The following DLG2 variants were observed in gnomAD, a reference collection of about 807,000 sequenced individuals.
The protein encoded by DLG2 is discs large MAGUK scaffold protein 2.
In DLG2, 45 loss-of-function variants were observed where a neutral mutation model predicts 132.5. The ratio of observed to expected loss-of-function variants is 0.34; its 90% CI spans 0.27 to 0.44. DLG2 has a LOEUF of 0.44. Among genes scored for constraint, DLG2 ranks in the 20% least tolerant of loss-of-function variants. The probability of loss-of-function intolerance (pLI) is 1.00; values close to 1 mark genes in which losing one functional copy is unlikely to be tolerated. For synonymous variants in DLG2, 424 were observed against 419.6 expected, an observed-to-expected ratio of 1.01 and a Z score of -0.13; for missense variants, 1,045 against 1,196.9, an observed-to-expected ratio of 0.87 and a Z score of 1.87.
chr11:85,201,500 G>C (rs533645327), intron 4 of DLG2, among the ~76,000 whole-genome samples: 5 of 152,186 alleles, frequency 3.3e-5, no homozygotes, highest in African/African-American at 1.2e-4. Flanking sequence ...AGAAAGCTGT[G>C]AATCTCAAAG....
At chr11:83,939,049 G>A (rs1173024633) in intron 14 of DLG2, among the ~76,000 whole-genome samples, 1 of 152,096 alleles carries the variant, frequency 6.6e-6, no homozygotes, top group Non-Finnish European at 1.5e-5. Context: ...ATGGATCATC[G>A]GGCCTCCTTT....
chr11:85,389,334 C>T (rs2086608448), intron 3 of DLG2, among the ~76,000 whole-genome samples: 1 of 152,068 alleles, frequency 6.6e-6, no homozygotes, highest in African/African-American at 2.4e-5. Flanking sequence ...TAAAAATGAA[C>T]AAAGCCTCCA....
chr11:83,790,413 T>C, intron 17 of DLG2: 1 of 1,030,740 alleles, frequency 9.7e-7, no homozygotes. Context: ...CAACATGTGA[T>C]TGGTCCCCAG....
In DLG2 at chr11:84,060,415, T is replaced by C. The variant is rs542323632; in HGVS notation, c.750-931A>G. Among the ~76,000 whole-genome samples the C allele has an allele frequency of 1.8e-3, 280 of 152,298 alleles. 1 individual carries two copies. Among genetic ancestry groups the C allele is most frequent in the African/African-American group, 6.6e-3 (275 of 41,566 alleles). On this transcript the variant is annotated intron_variant, in intron 10 of 27. Coordinates refer to ENST00000376104, the MANE Select transcript of DLG2 (RefSeq NM_001142699.3). ...CCCTCCTCTCCACCTCGATTCATCTTACAATATTATAAATACTGAAGTTCA... is the reference window on the plus strand; with the variant it reads ...CCCTCCTCTCCACCTCGATTCATCTCACAATATTATAAATACTGAAGTTCA...
intron 11 of DLG2, among the ~76,000 whole-genome samples, chr11:84,048,403 G>T (rs1363058434): frequency 6.6e-6 from 1 of 151,582 alleles, no homozygotes; most frequent in Non-Finnish European, 1.5e-5. Context: ...AAAGGAAAAT[G>T]TAGTGTTTTG....
At chr11:85,164,071 G>A (rs2152479662) in intron 4 of DLG2, among the ~76,000 whole-genome samples, 1 of 152,246 alleles carries the variant, frequency 6.6e-6, no homozygotes, top group Middle Eastern at 3.4e-3. Flanking sequence ...TTATAGAAAG[G>A]TGAGGGGAAG....
intron 9 of DLG2, among the ~76,000 whole-genome samples, chr11:84,158,151 C>T (rs796102946): frequency 5.9e-5 from 9 of 151,902 alleles, no homozygotes; most frequent in African/African-American, 2.2e-4. Flanking sequence ...GCAAGCTCTG[C>T]CTCCCAGGTT....
intron 21 of DLG2, among the ~76,000 whole-genome samples, chr11:83,505,860 A>T (rs1032492656): frequency 6.6e-6 from 1 of 152,150 alleles, no homozygotes; most frequent in Non-Finnish European, 1.5e-5. Context: ...GTGCAGAATC[A>T]TCTGTGAACC....
intron 3 of DLG2, among the ~76,000 whole-genome samples, chr11:85,456,412 A>T (rs1280400573): frequency 6.6e-6 from 1 of 152,156 alleles, no homozygotes; most frequent in East Asian, 1.9e-4. Context: ...CTTTCAAAAA[A>T]CAAACTCCTG....
chr11:85,383,420 A>G (rs2086064918), intron 3 of DLG2, among the ~76,000 whole-genome samples: 1 of 152,190 alleles, frequency 6.6e-6, no homozygotes, highest in African/African-American at 2.4e-5. Context: ...CTTACTAACA[A>G]AACGCTGAAT....
intron 3 of DLG2, among the ~76,000 whole-genome samples, chr11:85,520,431 G>A (rs7119372): frequency 0.18 from 27,029 of 151,668 alleles, 2,688 homozygotes; most frequent in East Asian, 0.31. Context: ...AAAGAAGTCT[G>A]CCAGGTTCAA....
Position 83,729,376 on chromosome 11 carries a change from T to C in DLG2, c.1825+57314A>G, listed in dbSNP as rs182226258. Among the ~76,000 whole-genome samples the C allele has an allele frequency of 2.6e-5, 4 of 152,294 alleles. No individual in the cohort carries two copies. The East Asian group carries it at 7.7e-4, about 29-fold the overall frequency. On this transcript the variant is annotated intron_variant, in intron 18 of 27. Coordinates refer to ENST00000376104, the MANE Select transcript of DLG2 (RefSeq NM_001142699.3). ...TGAATGAAAAACAAAGGTAGAGTTTTTCAAAAGCATATTTCAAGCATACAA... is the reference window on the plus strand; with the variant it reads ...TGAATGAAAAACAAAGGTAGAGTTTCTCAAAAGCATATTTCAAGCATACAA...
intron 6 of DLG2, among the ~76,000 whole-genome samples, chr11:84,944,114 T>A (rs1347868132): frequency 6.6e-6 from 1 of 152,188 alleles, no homozygotes; most frequent in Non-Finnish European, 1.5e-5. Context: ...GAAGCTCCTT[T>A]GTATGTTATT....
At chr11:85,005,748 A>C (rs2058599678) in intron 6 of DLG2, among the ~76,000 whole-genome samples, 1 of 152,168 alleles carries the variant, frequency 6.6e-6, no homozygotes, top group Non-Finnish European at 1.5e-5. Context: ...CCCTGGCCAG[A>C]ACTTCCAATA....
At chr11:84,841,504 C>G (rs374291510) in intron 6 of DLG2, among the ~76,000 whole-genome samples, 5 of 152,078 alleles carry the variant, frequency 3.3e-5, no homozygotes, top group African/African-American at 1.2e-4. Flanking sequence ...CTGATAACAT[C>G]AGTATAAATT....
At chr11:83,896,806 T>C (rs1380831878) in intron 15 of DLG2, among the ~76,000 whole-genome samples, 1 of 152,174 alleles carries the variant, frequency 6.6e-6, no homozygotes, top group African/African-American at 2.4e-5. Context: ...CATTATTGAA[T>C]TATACACTAG....
At chr11:84,592,028 A>AT in intron 6 of DLG2, among the ~76,000 whole-genome samples, 1 of 151,966 alleles carries the variant, frequency 6.6e-6, no homozygotes, top group East Asian at 2.0e-4. Flanking sequence ...TGATTTTTGT[A>AT]TTTTTTGTAG....
At chr11:83,825,551 G>A (rs1206923015) in intron 17 of DLG2, among the ~76,000 whole-genome samples, 1 of 152,064 alleles carries the variant, frequency 6.6e-6, no homozygotes, top group Non-Finnish European at 1.5e-5. Context: ...TGCTGTTTAA[G>A]TGACGCTTGG....
At chr11:85,567,896 C>T (rs187710541) in intron 3 of DLG2, among the ~76,000 whole-genome samples, 128 of 152,112 alleles carry the variant, frequency 8.4e-4, no homozygotes, top group African/African-American at 2.9e-3. Flanking sequence ...TAAATTTTTT[C>T]CTCCATTTTA....
Sources: allele counts gnomAD v4.1 joint callset (sites outside exome capture counted in the v4.1 genomes callset), GRCh38; gene constraint gnomAD v4.1.1; transcripts MANE v1.5; gene names NCBI Gene and HGNC (gene_info 2026-07-23, HGNC 2026-07-21).